COL18A1: variants seen among roughly 807,000 people sequenced by gnomAD.
The protein encoded by COL18A1 is collagen type XVIII alpha 1 chain.
Under a neutral mutation model 168.0 loss-of-function variants are expected in COL18A1, and 133 were observed. The observed-to-expected ratio is 0.79, with a 90% CI of 0.69 to 0.91. The LOEUF (loss-of-function observed/expected upper bound fraction) is 0.91, where lower values mean the gene tolerates loss of function less well. COL18A1 is among the 40% of genes least tolerant of loss of function. The pLI is 0.00. For synonymous variants in COL18A1, 949 were observed against 809.0 expected (o/e 1.17, Z -2.94); for missense variants, 2,126 against 1,925.4 (o/e 1.10, Z -1.95).
intron 2 of COL18A1, among the ~76,000 whole-genome samples, chr21:45,464,424 C>T (rs773710115): frequency 2.6e-5 from 4 of 152,208 alleles, no homozygotes; most frequent in Admixed American, 6.5e-5. Context: ...CCACTAACCA[C>T]GGCCACCTGC....
intron 2 of COL18A1, among the ~76,000 whole-genome samples, chr21:45,464,429 A>G (rs1422156779): frequency 6.6e-6 from 1 of 152,122 alleles, no homozygotes; most frequent in African/African-American, 2.4e-5. Context: ...AACCACGGCC[A>G]CCTGCAGTGG....
Position 45,498,696 on chromosome 21 carries a change from C to T in COL18A1, c.2683+1035C>T, listed in dbSNP as rs144565834. ...GCCTTGGATCTCTCAGCGTCACACA[C>T]GACGCCCAGGAAGGAGTGAATGATG... On this transcript the variant is annotated intron_variant, in intron 32 of 41. Transcript: ENST00000651438. The surrounding 1 kb of genome is among the most constrained non-coding windows in gnomAD (Gnocchi z 4.5). The T allele has an allele frequency of 4.8e-3, 3,096 of 649,250 alleles. 125 individuals are homozygous for T. The Admixed American group carries it at 0.053, about 11-fold the overall frequency. The allele number at this position is 649,250 out of a possible 1,614,324, so 40.2% of individuals were successfully genotyped here. A position where few individuals can be genotyped will look rare whatever the true frequency, so the allele number is the denominator to read the frequency against.
At chr21:45,497,224 G>A (rs768012361) in intron 31 of COL18A1, 132 bp downstream of exon 31, 35 of 728,706 alleles carry the variant, frequency 4.8e-5, no homozygotes, top group Non-Finnish European at 7.1e-5. Flanking sequence ...CCCAGCCCAC[G>A]CCCCAGTTCC....
rs185274992 is a variant in COL18A1, at chr21:45,443,565, C to T, written c.107-24677C>T. 1.6e-3 allele frequency among the ~76,000 whole-genome samples: 246 copies of T among 152,240 alleles called. No homozygotes were observed. The highest frequency in any genetic ancestry group is 5.4e-3 in the African/African-American group (224 of 41,550). ...TGTGGTCTCTCGGGACCTAGGAGGT[C>T]CCGGGGTGTGGACTGTGCTGAACTG... On this transcript the variant is annotated intron_variant, in intron 2 of 41. Transcript: ENST00000651438. The surrounding 1 kb of genome is among the most constrained non-coding windows in gnomAD (Gnocchi z 5.2).
chr21:45,441,730 T>C (rs1035895622), intron 2 of COL18A1, among the ~76,000 whole-genome samples: 3 of 152,246 alleles, frequency 2.0e-5, no homozygotes, highest in Non-Finnish European at 4.4e-5. Flanking sequence ...GCTTATGGCA[T>C]GGCGCCGGGT....
chr21:45,507,462 GGCC>G, intron 37 of COL18A1, 96 bp from the exon 38 acceptor site: 3 of 363,766 alleles, frequency 8.2e-6, no homozygotes, highest in Non-Finnish European at 1.1e-5. Flanking sequence ...GGGCTGGGAG[GGCC>G]AGGTGCTGGG....
rs73909553 is a variant in COL18A1 at position 45,448,364 on chromosome 21, G to A, written c.107-19878G>A. On this transcript the variant is annotated intron_variant, in intron 2 of 41. Transcript: ENST00000651438. ...AATATCTACATGCACCTCCACATGC[G>A]TACATATCCGCACACATCCGTGATG... Among the ~76,000 whole-genome samples, 836 of 152,226 alleles carry A rather than the reference G, an allele frequency of 5.5e-3. 13 individuals carry two copies. Among genetic ancestry groups the A allele is most frequent in the African/African-American group, 0.019 (802 of 41,520 alleles).
chr21:45,439,616 G>A (rs904594564), intron 2 of COL18A1, among the ~76,000 whole-genome samples: 2 of 152,234 alleles, frequency 1.3e-5, no homozygotes, highest in Non-Finnish European at 2.9e-5. Flanking sequence ...GCGGGCTCCA[G>A]ACGTCCTGGG....
At position 45,438,271 on chromosome 21, in the gene COL18A1, GAC is replaced by G. The variant is rs567064430; in HGVS notation, c.107-29965_107-29964del. On this transcript the variant is annotated intron_variant, in intron 2 of 41. Coordinates refer to ENST00000651438, the MANE Select transcript of COL18A1 (RefSeq NM_001379500.1). ...CTGCACACACACACACTCACACTCA[GAC>G]ACACAGGCACTCTCCTGCACACACA... Among the ~76,000 whole-genome samples the G allele has an allele frequency of 5.4e-4, 24 of 44,138 alleles. 1 individual carries two copies. Among genetic ancestry groups the G allele is most frequent in the African/African-American group, 1.6e-3 (12 of 7,734 alleles). 29.0% of individuals were successfully genotyped at this position (44,138 alleles called of 152,430 possible).
At chr21:45,467,466 A>T in intron 2 of COL18A1, 1 of 981,186 alleles carries the variant, frequency 1.0e-6, no homozygotes, top group African/African-American at 1.8e-5. Context: ...TGTGGCCCCG[A>T]GGGGAATCAG....
chr21:45,438,441 TG>T (rs1253663056), intron 2 of COL18A1, among the ~76,000 whole-genome samples: 3 of 152,200 alleles, frequency 2.0e-5, no homozygotes, highest in Non-Finnish European at 2.9e-5. Context: ...ACCTGGCCTC[TG>T]GAGCTCATCC....
At chr21:45,436,327 C>T (rs190210774) in intron 2 of COL18A1, among the ~76,000 whole-genome samples, 15 of 152,324 alleles carry the variant, frequency 9.8e-5, no homozygotes, top group East Asian at 1.9e-4. Flanking sequence ...CACCCTCACC[C>T]GGGGCCCATC....
rs945253723 is a variant in COL18A1, at chr21:45,509,707, C to T, written c.3495+106C>T. ...GCTGCTGGGGGTCCCAGGCTTCGGC[C>T]ATGGGTGGGGGTCTGGCGGCTCAGG... On this transcript the variant is annotated intron_variant, in intron 39 of 41. Coordinates refer to ENST00000651438, the MANE Select transcript of COL18A1 (RefSeq NM_001379500.1). 19 of 768,288 alleles carry T rather than the reference C, an allele frequency of 2.5e-5. 1 individual carries two copies. In the South Asian group the frequency reaches 2.6e-4, roughly 11 times the overall value. The allele number at this position is 768,288 out of a possible 1,614,324, so 47.6% of individuals were successfully genotyped here. A position where few individuals can be genotyped will look rare whatever the true frequency, so the allele number is the denominator to read the frequency against.
Position 45,498,238 on chromosome 21 carries a change from G to T in COL18A1, c.2683+577G>T, listed in dbSNP as rs752115396. The stretch of plus-strand genomic sequence containing the variant: ...AACCACTGTTTGAGGATGTCTGGGG[G>T]CTGGCAGAGCAGAAGCCCAGAGAGC... On this transcript the variant is annotated intron_variant, in intron 32 of 41. Coordinates refer to ENST00000651438, the MANE Select transcript of COL18A1 (RefSeq NM_001379500.1). This position sits in a 1 kb window ranked among gnomAD's most constrained non-coding sequence, Gnocchi z 4.5. 8.5e-6 allele frequency: 6 copies of T among 703,940 alleles called. No individual in the cohort carries two copies. In the Middle Eastern group the frequency reaches 6.9e-4, roughly 81 times the overall value. The allele number at this position is 703,940 out of a possible 1,614,324, so 43.6% of individuals were successfully genotyped here.
At position 45,498,384 on chromosome 21, in the gene COL18A1, C is replaced by T. The variant is rs542317875; in HGVS notation, c.2683+723C>T. 71 of 659,314 alleles carry T rather than the reference C, an allele frequency of 1.1e-4. No individual in the cohort carries two copies. Among genetic ancestry groups the T allele is most frequent in the African/African-American group, 1.0e-3 (55 of 53,812 alleles). The allele number at this position is 659,314 out of a possible 1,614,324, so 40.8% of individuals were successfully genotyped here. On this transcript the variant is annotated intron_variant, in intron 32 of 41. Transcript: ENST00000651438. The surrounding 1 kb of genome is among the most constrained non-coding windows in gnomAD (Gnocchi z 4.5). ...TCTCGCCACCACGGTCCCCTCTCGC[C>T]GCCAGGGTCCCCTCTCGCCGCCAGG...
intron 11 of COL18A1, 107 bp from the exon 12 acceptor site, chr21:45,480,360 C>T (rs1040219847): frequency 9.8e-5 from 157 of 1,599,750 alleles, no homozygotes; most frequent in Non-Finnish European, 1.3e-4. Flanking sequence ...GGTTTCTCAG[C>T]TCCTTGTAGA....
chr21:45,442,202 G>A lies in COL18A1; in HGVS notation c.107-26040G>A, dbSNP rs186869053. On this transcript the variant is annotated intron_variant, in intron 2 of 41. Coordinates refer to ENST00000651438, the MANE Select transcript of COL18A1 (RefSeq NM_001379500.1). The stretch of plus-strand genomic sequence containing the variant: ...TTGAGCCTGGACACTGGCCATGACT[G>A]GATACCACCGGTGCACAGGGTGCAC... Among the ~76,000 whole-genome samples, 22 of 152,338 alleles carry A rather than the reference G, an allele frequency of 1.4e-4. No homozygotes were observed. The East Asian group carries it at 4.2e-3, about 29-fold the overall frequency.
chr21:45,507,431 G>A (rs916023466), intron 37 of COL18A1, 130 bp from the exon 38 acceptor site: 21 of 710,234 alleles, frequency 3.0e-5, no homozygotes, highest in Non-Finnish European at 4.3e-5. Context: ...CAGGTGCTGG[G>A]CAGGGAGGGC....
intron 2 of COL18A1, among the ~76,000 whole-genome samples, chr21:45,433,482 A>G (rs1293390150): frequency 1.3e-5 from 2 of 151,978 alleles, no homozygotes; most frequent in Non-Finnish European, 2.9e-5. Flanking sequence ...AGAAAATACC[A>G]GGGACTTTGC....
Sources: allele counts gnomAD v4.1 joint callset (sites outside exome capture counted in the v4.1 genomes callset), GRCh38; gene constraint gnomAD v4.1.1; non-coding constraint Gnocchi (gnomAD v3.1); transcripts MANE v1.5; gene names NCBI Gene and HGNC (gene_info 2026-07-23, HGNC 2026-07-21).